PIK3R5: variants seen among roughly 807,000 people sequenced by gnomAD.
PIK3R5 encodes the protein phosphoinositide-3-kinase regulatory subunit 5, also known as phosphoinositide 3-kinase regulatory subunit 5.
In PIK3R5, 32 loss-of-function variants were observed where a neutral mutation model predicts 94.9. That is an observed-to-expected ratio of 0.34 (90% CI 0.25 to 0.45). The LOEUF is 0.45. Among genes scored for constraint, PIK3R5 ranks in the 20% least tolerant of loss-of-function variants. The pLI is 1.00. For missense variants in PIK3R5, 853 were observed against 1,144.6 expected (o/e 0.75, Z 3.68); for synonymous variants, 443 against 479.4 (o/e 0.92, Z 0.99).
chr17:8,959,220 T>C (rs9893987), intron 1 of PIK3R5, among the ~76,000 whole-genome samples: 4,412 of 152,274 alleles, frequency 0.029, 202 homozygotes, highest in African/African-American at 0.1. Flanking sequence ...CTACACAGTT[T>C]TCATTATCCA....
At position 8,911,609 on chromosome 17, in the gene PIK3R5, C is replaced by A; in HGVS notation, c.-13-102G>T. On this transcript the variant is annotated intron_variant, in intron 1 of 18. Transcript: ENST00000447110. This position sits in a 1 kb window ranked among gnomAD's most constrained non-coding sequence, Gnocchi z 5.3. ...TGCTCACAGTGCAGCGCGATCAGCCCAGCCCAGCTATAGCTCAGGTGCTGT... is the reference window on the plus strand; with the variant it reads ...TGCTCACAGTGCAGCGCGATCAGCCAAGCCCAGCTATAGCTCAGGTGCTGT... The A allele has an allele frequency of 1.4e-6, 1 of 723,518 alleles. No individual in the cohort carries two copies. The highest frequency in any genetic ancestry group is 2.4e-5 in the Admixed American group (1 of 41,530). The allele number at this position is 723,518 out of a possible 1,614,324, so 44.8% of individuals were successfully genotyped here.
chr17:8,909,280 A>C lies in PIK3R5; in HGVS notation c.104-106T>G. The stretch of plus-strand genomic sequence containing the variant: ...TTATGCTGGAACATTTTTCTGTGGT[A>C]TTGCACTGGAACACTCTTTTTTTTT... On this transcript the variant is annotated intron_variant, in intron 2 of 18. Coordinates refer to ENST00000447110, the MANE Select transcript of PIK3R5 (RefSeq NM_001142633.3). The surrounding 1 kb of genome is among the most constrained non-coding windows in gnomAD (Gnocchi z 4.3). 2 of 666,254 alleles carry C rather than the reference A, an allele frequency of 3.0e-6. No homozygotes were observed. Among genetic ancestry groups the C allele is most frequent in the South Asian group, 1.7e-5 (1 of 58,854 alleles). 41.3% of individuals were successfully genotyped at this position (666,254 alleles called of 1,614,324 possible).
intron 5 of PIK3R5, among the ~76,000 whole-genome samples, chr17:8,895,993 G>T (rs555399552): frequency 6.6e-6 from 1 of 152,282 alleles, no homozygotes; most frequent in South Asian, 2.1e-4. Flanking sequence ...TTAGCATGGG[G>T]TGTGGGGTTT....
chr17:8,906,211 G>A (rs1248352445), intron 3 of PIK3R5, among the ~76,000 whole-genome samples: 1 of 151,974 alleles, frequency 6.6e-6, no homozygotes, highest in Non-Finnish European at 1.5e-5. Flanking sequence ...GTGTCCATGT[G>A]TTCTCATTGT....
intron 1 of PIK3R5, among the ~76,000 whole-genome samples, chr17:8,956,393 G>C (rs1289556218): frequency 6.6e-6 from 1 of 152,088 alleles, no homozygotes; most frequent in Non-Finnish European, 1.5e-5. Flanking sequence ...GCACCATGAG[G>C]GAAGGAGCAG....
chr17:8,886,266 C>A lies in PIK3R5; in HGVS notation c.2091G>T (p.Leu697=). 6.2e-7 allele frequency: 1 copy of A among 1,613,682 alleles called. No homozygotes were observed. The highest frequency in any genetic ancestry group is 8.5e-7 in the Non-Finnish European group (1 of 1,179,988). ...TGGCACGTGTGGCAGCGGAGTGACC[C>A]AGCTCCAAGGAGTGGATGAAGATCT... ...TTEIFIHSLE[L]GHSAATRAIK... is the part of the protein sequence containing the mutation. Residue 697 remains leucine (L), a synonymous_variant, in exon 14 of 19, where the codon CTG becomes CTT. Transcript: ENST00000447110.
intron 5 of PIK3R5, among the ~76,000 whole-genome samples, chr17:8,898,995 G>A (rs893542810): frequency 5.9e-5 from 9 of 152,234 alleles, no homozygotes; most frequent in African/African-American, 2.2e-4. Context: ...TTGCAGAGCG[G>A]TTTGCATGTA....
At chr17:8,963,243 T>C (rs759539166) in intron 1 of PIK3R5, among the ~76,000 whole-genome samples, 2 of 152,186 alleles carry the variant, frequency 1.3e-5, no homozygotes, top group Non-Finnish European at 2.9e-5. Context: ...CGCAGCTCAG[T>C]CCCTTGGGAT....
intron 1 of PIK3R5, among the ~76,000 whole-genome samples, chr17:8,961,091 G>A (rs2091555364): frequency 6.6e-6 from 1 of 152,160 alleles, no homozygotes; most frequent in Admixed American, 6.5e-5. Context: ...CAGTGCTGAA[G>A]GGCAAAGGAA....
intron 1 of PIK3R5, among the ~76,000 whole-genome samples, chr17:8,929,372 G>A (rs560393962): frequency 1.3e-5 from 2 of 152,152 alleles, no homozygotes; most frequent in East Asian, 1.9e-4. Context: ...AATATATATC[G>A]TGCAAGCATT....
At position 8,942,637 on chromosome 17, in the gene PIK3R5, G is replaced by A. The variant is rs370198513; in HGVS notation, c.-14+22959C>T. On this transcript the variant is annotated intron_variant, in intron 1 of 18. Transcript: ENST00000447110. ...TCTTTCTTTTTTGAGACAGAGTCTC[G>A]CTCTGTCGCCCAGGCTGGAGTGCAG... 2.4e-4 allele frequency among the ~76,000 whole-genome samples: 36 copies of A among 151,790 alleles called. 1 individual carries two copies. In the East Asian group the frequency reaches 4.5e-3, roughly 19 times the overall value.
Position 8,893,792 on chromosome 17 carries a change from G to T in PIK3R5, c.413-137C>A. ...GCTCAGGCGAACCTGCAGAGAAGCT[G>T]TTCTGTGGACCCTCCAGGGTGCCTA... is the stretch of plus-strand genomic sequence containing the variant. On this transcript the variant is annotated intron_variant, in intron 5 of 18. Transcript: ENST00000447110. The surrounding 1 kb of genome is among the most constrained non-coding windows in gnomAD (Gnocchi z 5.1). The T allele has an allele frequency of 1.5e-6, 1 of 665,422 alleles. No homozygotes were observed. The highest frequency in any genetic ancestry group is 2.7e-6 in the Non-Finnish European group (1 of 368,008). 41.2% of individuals were successfully genotyped at this position (665,422 alleles called of 1,614,324 possible).
At position 8,911,753 on chromosome 17, in the gene PIK3R5, A is replaced by C; in HGVS notation, c.-13-246T>G. 1 of 405,268 alleles carries C rather than the reference A, an allele frequency of 2.5e-6. No homozygotes were observed. Among genetic ancestry groups the C allele is most frequent in the Admixed American group, 3.9e-5 (1 of 25,458 alleles). The allele number at this position is 405,268 out of a possible 1,614,324, so 25.1% of individuals were successfully genotyped here. A position where few individuals can be genotyped will look rare whatever the true frequency, so the allele number is the denominator to read the frequency against. ...AGAACGGGACAGAGGTGTGGGAAGT[A>C]AGGGGTCAGGAATGGGAGCAGAGAG... On this transcript the variant is annotated intron_variant, in intron 1 of 18. Transcript: ENST00000447110. This position sits in a 1 kb window ranked among gnomAD's most constrained non-coding sequence, Gnocchi z 5.3.
intron 1 of PIK3R5, among the ~76,000 whole-genome samples, chr17:8,913,863 G>A (rs112612105): frequency 6.6e-6 from 1 of 152,192 alleles, no homozygotes; most frequent in African/African-American, 2.4e-5. Flanking sequence ...ACCTCCACAG[G>A]TAGCTCAGGT....
rs61761135 is a variant in PIK3R5 at position 8,881,259 on chromosome 17, T to C, written c.2383-242A>G. The stretch of plus-strand genomic sequence containing the variant: ...CCCCCTGAGGAGACATTGCCCTGCC[T>C]GCTGCCCTCACCGGAGCAGCCCCAG... On this transcript the variant is annotated intron_variant, in intron 17 of 18. Coordinates refer to ENST00000447110, the MANE Select transcript of PIK3R5 (RefSeq NM_001142633.3). The surrounding 1 kb of genome is among the most constrained non-coding windows in gnomAD (Gnocchi z 4.8). 0.033 allele frequency among the ~76,000 whole-genome samples: 5,050 copies of C among 152,272 alleles called. 117 individuals carry two copies. Among genetic ancestry groups the C allele is most frequent in the Non-Finnish European group, 0.051 (3,442 of 67,986 alleles).
chr17:8,932,112 G>C (rs73253074), intron 1 of PIK3R5, among the ~76,000 whole-genome samples: 5,539 of 152,100 alleles, frequency 0.036, 336 homozygotes, highest in African/African-American at 0.13. Context: ...AAAGAGAGTA[G>C]GTATGTTGAA....
chr17:8,934,398 A>T (rs2091037268), intron 1 of PIK3R5, among the ~76,000 whole-genome samples: 1 of 152,228 alleles, frequency 6.6e-6, no homozygotes, highest in South Asian at 2.1e-4. Context: ...AAACTACAAG[A>T]CATTGCTAAG....
At chr17:8,954,859 C>T (rs969893412) in intron 1 of PIK3R5, among the ~76,000 whole-genome samples, 3 of 150,544 alleles carry the variant, frequency 2.0e-5, no homozygotes, top group Admixed American at 2.0e-4. Context: ...ATTGCTTGAA[C>T]CCAGGAAGCG....
chr17:8,914,143 G>A (rs568143251), intron 1 of PIK3R5, among the ~76,000 whole-genome samples: 11 of 152,250 alleles, frequency 7.2e-5, no homozygotes, highest in South Asian at 6.2e-4. Context: ...ATGTGACAGC[G>A]ACCCTTTGTT....
Sources: gnomAD v4.1 joint callset for allele counts (sites outside exome capture counted in the v4.1 genomes callset) on GRCh38, gnomAD v4.1.1 for gene constraint, Gnocchi (gnomAD v3.1) non-coding constraint, MANE v1.5 for transcripts, NCBI Gene and HGNC (gene_info 2026-07-23, HGNC 2026-07-21) for gene names.